Variants in CACNA1C observed in about 807,000 individuals in gnomAD.
CACNA1C encodes calcium voltage-gated channel subunit alpha1 C.
A neutral mutation model predicts 229.0 loss-of-function variants in CACNA1C; 30 were observed. That is an observed-to-expected ratio of 0.13 (90% CI 0.10 to 0.18). The LOEUF is 0.18. Among genes scored for constraint, CACNA1C ranks in the 10% least tolerant of loss-of-function variants. The pLI is 1.00. For synonymous variants in CACNA1C, 1,114 were observed against 1,132.5 expected (o/e 0.98, Z 0.33); for missense variants, 1,658 against 2,845.0 (o/e 0.58, Z 9.49).
chr12:2,172,574 A>G (rs566780324), intron 3 of CACNA1C, among the ~76,000 whole-genome samples: 2 of 152,358 alleles, frequency 1.3e-5, no homozygotes, highest in African/African-American at 2.4e-5. Flanking sequence ...TTAGGAAGAA[A>G]GGAGGACCCA....
At chr12:2,586,643 G>T (rs981007189) in intron 18 of CACNA1C, among the ~76,000 whole-genome samples, 6 of 152,206 alleles carry the variant, frequency 3.9e-5, no homozygotes, top group African/African-American at 1.4e-4. Context: ...ACATTTCCTT[G>T]TTCCTGTAGG....
At chr12:2,265,969 A>G (rs992087096) in intron 3 of CACNA1C, among the ~76,000 whole-genome samples, 1 of 152,262 alleles carries the variant, frequency 6.6e-6, no homozygotes, top group African/African-American at 2.4e-5. Context: ...TCCATGCAGT[A>G]ATGACATCCA....
chr12:2,570,624 C>T (rs955493479), intron 13 of CACNA1C, among the ~76,000 whole-genome samples: 8 of 152,028 alleles, frequency 5.3e-5, no homozygotes, highest in Admixed American at 6.6e-5. Context: ...TGGAAAAAAT[C>T]GAAAAATAAG....
Position 2,287,113 on chromosome 12 carries a change from C to G in CACNA1C, c.478-161863C>G, listed in dbSNP as rs899892821. Among the ~76,000 whole-genome samples the G allele has an allele frequency of 6.6e-6, 1 of 152,236 alleles. No individual in the cohort carries two copies. On this transcript the variant is annotated intron_variant, in intron 3 of 46. Transcript: ENST00000399655. The surrounding 1 kb of genome is among the most constrained non-coding windows in gnomAD (Gnocchi z 4.6). ...GGGCCTGCCCCCAGTTGACAGAGGG[C>G]TCTTTACCGTTAGGACCCCTTCTGG...
chr12:2,241,328 A>G (rs941974671), intron 3 of CACNA1C, among the ~76,000 whole-genome samples: 11 of 152,152 alleles, frequency 7.2e-5, no homozygotes, highest in African/African-American at 2.7e-4. Flanking sequence ...GAAGCCAAGG[A>G]TCCTGTAATT....
chr12:2,458,481 T>C (rs2099461362), intron 5 of CACNA1C, among the ~76,000 whole-genome samples: 1 of 152,220 alleles, frequency 6.6e-6, no homozygotes, highest in Non-Finnish European at 1.5e-5. Flanking sequence ...CAGTCCACTT[T>C]AGAACTCCTT....
chr12:2,054,011 C>T lies in CACNA1C; in HGVS notation c.49+400C>T, dbSNP rs1416267009. Among the ~76,000 whole-genome samples the T allele has an allele frequency of 1.4e-5, 2 of 147,358 alleles. No homozygotes were observed. The highest frequency in any genetic ancestry group is 2.4e-5 in the African/African-American group (1 of 40,928). ...CCGCGGAGCCCAGAGGCCCGGGGTC[C>T]CTCGCCCGGCTCGGGGCGCGGCTGG... On this transcript the variant is annotated intron_variant, in intron 1 of 46. Transcript: ENST00000399655. The surrounding 1 kb of genome is among the most constrained non-coding windows in gnomAD (Gnocchi z 5.5).
At chr12:2,164,608 T>G (rs545967997) in intron 3 of CACNA1C, among the ~76,000 whole-genome samples, 1 of 152,340 alleles carries the variant, frequency 6.6e-6, no homozygotes, top group Non-Finnish European at 1.5e-5. Flanking sequence ...GAATGTAACT[T>G]AAAAACTTGT....
chr12:2,226,260 C>T (rs1469682628), intron 3 of CACNA1C, among the ~76,000 whole-genome samples: 1 of 151,882 alleles, frequency 6.6e-6, no homozygotes, highest in Admixed American at 6.6e-5. Flanking sequence ...TTACAGCATC[C>T]TTTCACTGAT....
chr12:2,525,031 CAT>C (rs1449314905), intron 9 of CACNA1C, among the ~76,000 whole-genome samples: 6 of 152,238 alleles, frequency 3.9e-5, no homozygotes, highest in African/African-American at 1.4e-4. Context: ...TGGAATTGCA[CAT>C]GTTTCATGGT....
At chr12:2,296,134 G>A (rs2094016030) in intron 3 of CACNA1C, among the ~76,000 whole-genome samples, 1 of 152,208 alleles carries the variant, frequency 6.6e-6, no homozygotes, top group Non-Finnish European at 1.5e-5. Flanking sequence ...AAGGGAGTGG[G>A]GAGCAGAGAG....
intron 3 of CACNA1C, among the ~76,000 whole-genome samples, chr12:2,438,726 G>A (rs1596303493): frequency 6.6e-6 from 1 of 151,970 alleles, no homozygotes; most frequent in South Asian, 2.1e-4. Context: ...GAAGGCTTTC[G>A]AGCAGTAAAA....
Position 2,649,385 on chromosome 12 carries a change from G to A in CACNA1C, c.3945+878G>A, listed in dbSNP as rs2094687051. On this transcript the variant is annotated intron_variant, in intron 31 of 46. Coordinates refer to ENST00000399655, the MANE Select transcript of CACNA1C (RefSeq NM_000719.7). The surrounding 1 kb of genome is among the most constrained non-coding windows in gnomAD (Gnocchi z 4.4). ...AGTCTGCAGGCCGAGGCAAGCTTGG[G>A]TGGGTTGATGTGTTCCCCAGTGCAG... Among the ~76,000 whole-genome samples the A allele has an allele frequency of 6.6e-6, 1 of 152,228 alleles. No homozygotes were observed. The highest frequency in any genetic ancestry group is 2.1e-4 in the South Asian group (1 of 4,830).
At chr12:2,186,980 G>A (rs1235320070) in intron 3 of CACNA1C, among the ~76,000 whole-genome samples, 2 of 147,840 alleles carry the variant, frequency 1.4e-5, no homozygotes, top group African/African-American at 5.3e-5. Context: ...AACTGGCTGT[G>A]AGCACACCCG....
rs573138465 is a variant in CACNA1C, at chr12:2,622,173, G to A, written c.3828+10160G>A. Among the ~76,000 whole-genome samples, 10 of 152,252 alleles carry A rather than the reference G, an allele frequency of 6.6e-5. No homozygotes were observed. The East Asian group carries it at 1.4e-3, about 21-fold the overall frequency. On this transcript the variant is annotated intron_variant, in intron 29 of 46. Coordinates refer to ENST00000399655, the MANE Select transcript of CACNA1C (RefSeq NM_000719.7). ...AGCCAGCTGCGGAGAAGAAAGAAAC[G>A]GTCCTCCAGGCCTTCTAGAAACTGA...
chr12:2,094,368 A>AT (rs2072852353), intron 1 of CACNA1C, among the ~76,000 whole-genome samples: 2 of 152,204 alleles, frequency 1.3e-5, no homozygotes, highest in South Asian at 4.1e-4. Context: ...ACCCCCAGTA[A>AT]GTGGCTGCCC....
chr12:2,617,148 C>G (rs1353214620), intron 29 of CACNA1C, among the ~76,000 whole-genome samples: 1 of 152,212 alleles, frequency 6.6e-6, no homozygotes, highest in Admixed American at 6.5e-5. Flanking sequence ...TCCGGTCCCC[C>G]ACCTGTTGTC....
intron 3 of CACNA1C, among the ~76,000 whole-genome samples, chr12:2,128,762 A>G (rs2091201514): frequency 6.6e-6 from 1 of 152,236 alleles, no homozygotes. Flanking sequence ...CAACAGCAAC[A>G]GACACTACTT....
intron 3 of CACNA1C, among the ~76,000 whole-genome samples, chr12:2,381,935 A>G (rs368706797): frequency 5.9e-5 from 9 of 152,236 alleles, no homozygotes; most frequent in African/African-American, 1.9e-4. Context: ...CTGCAGATGG[A>G]TCCCAGGGAC....
Sources: gnomAD v4.1 joint callset for allele counts (sites outside exome capture counted in the v4.1 genomes callset) on GRCh38, gnomAD v4.1.1 for gene constraint, Gnocchi (gnomAD v3.1) non-coding constraint, MANE v1.5 for transcripts, NCBI Gene and HGNC (gene_info 2026-07-23, HGNC 2026-07-21) for gene names.